Variants in PRR16 observed in about 807,000 individuals in gnomAD.
PRR16 encodes the protein proline rich 16.
In PRR16, 6 loss-of-function variants were observed where a neutral mutation model predicts 18.2. The ratio of observed to expected loss-of-function variants is 0.33; its 90% CI spans 0.18 to 0.65. PRR16 has a LOEUF of 0.65. PRR16 is among the 30% of genes least tolerant of loss of function. The pLI is 0.74. For synonymous variants in PRR16, 151 were observed against 147.8 expected (o/e 1.02, Z -0.16); for missense variants, 412 against 376.6 (o/e 1.09, Z -0.78).
chr5:120,701,600 C>A, the PRR16 span, among the ~76,000 whole-genome samples: 2 of 152,022 alleles, frequency 1.3e-5, no homozygotes, highest in Non-Finnish European at 2.9e-5. Flanking sequence ...GGTGGAGGAG[C>A]AGAGGCTGAG....
In PRR16 at chr5:120,611,836, G is replaced by A. The variant is rs545910346; in HGVS notation, c.160-74118G>A. ...TGCCTAGTGGAGCTGTGAGAAGAGG[G>A]CCACCATTCTCCAGACCCCAGAATG... is the stretch of plus-strand genomic sequence containing the variant. On this transcript the variant is annotated intron_variant, in intron 1 of 1. Transcript: ENST00000407149. Among the ~76,000 whole-genome samples the A allele has an allele frequency of 2.8e-4, 42 of 152,288 alleles. No individual in the cohort carries two copies. The South Asian group carries it at 8.7e-3, about 32-fold the overall frequency.
chr5:120,493,827 A>G (rs1333963555), intron 1 of PRR16, among the ~76,000 whole-genome samples: 1 of 151,956 alleles, frequency 6.6e-6, no homozygotes, highest in African/African-American at 2.4e-5. Context: ...TGAACATAAT[A>G]CTCTGGAGAT....
At chr5:120,726,061 T>A in the PRR16 span, among the ~76,000 whole-genome samples, 3 of 152,070 alleles carry the variant, frequency 2.0e-5, no homozygotes, top group African/African-American at 7.2e-5. Context: ...CTAAGGTTGT[T>A]CATTTTATGC....
the PRR16 span, among the ~76,000 whole-genome samples, chr5:120,740,609 T>G: frequency 6.6e-6 from 1 of 152,206 alleles, no homozygotes; most frequent in Non-Finnish European, 1.5e-5. Context: ...AATACCATAC[T>G]GTCTTAATTA....
At chr5:120,516,423 CAAAAA>C (rs531146634) in intron 1 of PRR16, among the ~76,000 whole-genome samples, 4 of 52,622 alleles carry the variant, frequency 7.6e-5, no homozygotes, top group African/African-American at 2.0e-4. Flanking sequence ...GATTATGTCT[CAAAAA>C]AAAAAAAAAA....
the PRR16 span, among the ~76,000 whole-genome samples, chr5:120,725,870 A>T: frequency 3.1e-3 from 479 of 152,220 alleles, 1 homozygote; most frequent in African/African-American, 0.011. Flanking sequence ...TACTATAGTG[A>T]GAAGGCAGAA....
intron 1 of PRR16, among the ~76,000 whole-genome samples, chr5:120,511,563 G>A (rs1362562667): frequency 1.3e-5 from 2 of 152,082 alleles, no homozygotes; most frequent in Non-Finnish European, 2.9e-5. Context: ...GTTCTTCATG[G>A]AAGTTTTTGC....
the PRR16 span, among the ~76,000 whole-genome samples, chr5:120,753,918 A>G: frequency 1.2e-5 from 1 of 84,138 alleles, no homozygotes; most frequent in Non-Finnish European, 2.3e-5. Context: ...ATCTCTATAA[A>G]TGTATATAAA....
intron 1 of PRR16, among the ~76,000 whole-genome samples, chr5:120,493,245 G>A (rs1750127112): frequency 6.6e-6 from 1 of 151,872 alleles, no homozygotes; most frequent in African/African-American, 2.4e-5. Context: ...TTTAATTATG[G>A]CCATTCTTGC....
At chr5:120,580,351 A>G (rs1580748026) in intron 1 of PRR16, among the ~76,000 whole-genome samples, 1 of 152,082 alleles carries the variant, frequency 6.6e-6, no homozygotes, top group African/African-American at 2.4e-5. Flanking sequence ...CATTCAATAT[A>G]GTATTGGCTG....
intron 1 of PRR16, among the ~76,000 whole-genome samples, chr5:120,528,422 A>G (rs956507398): frequency 6.6e-6 from 1 of 152,142 alleles, no homozygotes; most frequent in African/African-American, 2.4e-5. Context: ...ATACTGACCA[A>G]CTCTGGCAAC....
At chr5:120,634,507 C>G (rs757689993) in intron 1 of PRR16, among the ~76,000 whole-genome samples, 3 of 151,954 alleles carry the variant, frequency 2.0e-5, no homozygotes, top group Non-Finnish European at 4.4e-5. Flanking sequence ...GCTGGACATG[C>G]TGGCATGTGC....
At chr5:120,581,096 G>A (rs996377058) in intron 1 of PRR16, among the ~76,000 whole-genome samples, 1 of 152,182 alleles carries the variant, frequency 6.6e-6, no homozygotes, top group African/African-American at 2.4e-5. Context: ...AGAAAGAATG[G>A]TACCAGCTCC....
At chr5:120,793,404 C>T in the PRR16 span, among the ~76,000 whole-genome samples, 1,123 of 152,054 alleles carry the variant, frequency 7.4e-3, 19 homozygotes, top group African/African-American at 0.025. Flanking sequence ...GTGGCTCTAA[C>T]CCAGTGGGTA....
chr5:120,696,801 AAT>A, the PRR16 span, among the ~76,000 whole-genome samples: 4 of 152,228 alleles, frequency 2.6e-5, no homozygotes, highest in South Asian at 2.1e-4. Context: ...TCAACAGAAA[AAT>A]ATGTGTGTGA....
intron 1 of PRR16, among the ~76,000 whole-genome samples, chr5:120,521,150 C>G (rs1477443257): frequency 6.6e-6 from 1 of 152,080 alleles, no homozygotes; most frequent in Non-Finnish European, 1.5e-5. Context: ...ATCAACCAAA[C>G]CAAGGATACA....
rs1369883223 is a variant in PRR16 at position 120,501,704 on chromosome 5, ATCAGCAC to A, written c.159+37061_159+37067del. Reference sequence around the variant, plus strand: ...AATAAGAAAAAGAAATGGCCAGTATATCAGCACTTTGGGAGGCTGAGGCGGGCAGATC... The same window carrying A: ...AATAAGAAAAAGAAATGGCCAGTATATTTGGGAGGCTGAGGCGGGCAGATC... On this transcript the variant is annotated intron_variant, in intron 1 of 1. Coordinates refer to ENST00000407149, the MANE Select transcript of PRR16 (RefSeq NM_001300783.2). 3.3e-5 allele frequency among the ~76,000 whole-genome samples: 5 copies of A among 152,144 alleles called. No individual in the cohort carries two copies. In the South Asian group the frequency reaches 1.0e-3, roughly 32 times the overall value.
chr5:120,759,273 G>C, the PRR16 span, among the ~76,000 whole-genome samples: 1 of 152,108 alleles, frequency 6.6e-6, no homozygotes, highest in Non-Finnish European at 1.5e-5. Flanking sequence ...ACCACACCCA[G>C]CCTATACCAT....
chr5:120,523,382 T>C (rs1001000759), intron 1 of PRR16, among the ~76,000 whole-genome samples: 7 of 152,172 alleles, frequency 4.6e-5, no homozygotes, highest in Admixed American at 1.3e-4. Flanking sequence ...ACATCATCAT[T>C]ATTATTATTT....
Sources: gnomAD v4.1 joint callset for allele counts (sites outside exome capture counted in the v4.1 genomes callset) on GRCh38, gnomAD v4.1.1 for gene constraint, MANE v1.5 for transcripts, NCBI Gene and HGNC (gene_info 2026-07-23, HGNC 2026-07-21) for gene names.